The following ULK4 variants were observed in gnomAD, a reference collection of about 807,000 sequenced individuals.
ULK4 encodes inactive serine/threonine-protein kinase ULK4.
A neutral mutation model predicts 160.6 loss-of-function variants in ULK4; 133 were observed. The observed-to-expected ratio is 0.83, with a 90% CI of 0.72 to 0.96. The LOEUF (loss-of-function observed/expected upper bound fraction) is 0.96. ULK4 is among the 40% of genes least tolerant of loss of function. The pLI, the probability that ULK4 is intolerant of heterozygous loss-of-function variation, is 0.00. For synonymous variants in ULK4, 534 were observed against 539.8 expected (o/e 0.99, Z 0.15); for missense variants, 1,580 against 1,499.5 (o/e 1.05, Z -0.89).
intron 35 of ULK4, among the ~76,000 whole-genome samples, chr3:41,278,966 T>C (rs367870683): frequency 2.6e-4 from 39 of 152,058 alleles, no homozygotes; most frequent in Non-Finnish European, 5.0e-4. Context: ...TTGACAGAAG[T>C]TGGCTTCAGA....
chr3:41,797,007 C>T (rs567952963), intron 20 of ULK4, among the ~76,000 whole-genome samples: 1 of 152,250 alleles, frequency 6.6e-6, no homozygotes, highest in South Asian at 2.1e-4. Context: ...AGCACCCAAA[C>T]AATAAGCAGT....
At chr3:41,908,427 T>C (rs1698656410) in intron 11 of ULK4, among the ~76,000 whole-genome samples, 1 of 152,068 alleles carries the variant, frequency 6.6e-6, no homozygotes, top group Admixed American at 6.6e-5. Flanking sequence ...TTTTCCTGGA[T>C]CCATGGTTTT....
At chr3:41,493,337 A>C (rs1273357660) in intron 32 of ULK4, among the ~76,000 whole-genome samples, 1 of 145,380 alleles carries the variant, frequency 6.9e-6, no homozygotes, top group African/African-American at 2.6e-5. Flanking sequence ...TACTGGGTAC[A>C]TAACGAAATG....
At chr3:41,484,248 AC>A (rs1481128426) in intron 32 of ULK4, among the ~76,000 whole-genome samples, 1 of 152,284 alleles carries the variant, frequency 6.6e-6, no homozygotes, top group East Asian at 1.9e-4. Flanking sequence ...TCTATCAAAT[AC>A]ATTTATCAAA....
At chr3:41,762,427 T>C (rs2039014027) in intron 21 of ULK4, among the ~76,000 whole-genome samples, 1 of 152,032 alleles carries the variant, frequency 6.6e-6, no homozygotes, top group Non-Finnish European at 1.5e-5. Flanking sequence ...GTAAAGAAAA[T>C]AAAAAGCTAA....
chr3:41,909,638 CAGGGAG>C (rs1698705996), intron 11 of ULK4, among the ~76,000 whole-genome samples: 1 of 151,040 alleles, frequency 6.6e-6, no homozygotes, highest in Non-Finnish European at 1.5e-5. Flanking sequence ...TCGCTTGAAC[CAGGGAG>C]GTGGAGGCTG....
intron 36 of ULK4, 95 bp from the exon 37 acceptor site, chr3:41,247,087 A>AC: frequency 7.6e-6 from 9 of 1,178,990 alleles, no homozygotes; most frequent in Non-Finnish European, 9.9e-6. Context: ...GCACCCGAGT[A>AC]TCTGGTGGAC....
At chr3:41,785,195 C>T (rs1487751263) in intron 21 of ULK4, among the ~76,000 whole-genome samples, 1 of 152,006 alleles carries the variant, frequency 6.6e-6, no homozygotes, top group East Asian at 1.9e-4. Context: ...CCAAACAGTT[C>T]AATAGTGGAG....
chr3:41,937,971 T>C (rs1699832342), intron 3 of ULK4, 127 bp downstream of exon 3: 1 of 575,712 alleles, frequency 1.7e-6, no homozygotes, highest in African/African-American at 1.9e-5. Context: ...TCTTCACCCT[T>C]CCCTAATATC....
intron 32 of ULK4, among the ~76,000 whole-genome samples, chr3:41,529,784 C>T (rs7643254): frequency 0.27 from 41,573 of 152,172 alleles, 6,107 homozygotes; most frequent in African/African-American, 0.37. Context: ...TGAGCCACCA[C>T]GCCCAGCCAG....
intron 34 of ULK4, among the ~76,000 whole-genome samples, chr3:41,439,523 T>A (rs1427802706): frequency 6.6e-6 from 1 of 152,188 alleles, no homozygotes; most frequent in Non-Finnish European, 1.5e-5. Flanking sequence ...TCTTGAGTGA[T>A]AACTGACATG....
chr3:41,428,682 T>C (rs1262075296), intron 34 of ULK4, among the ~76,000 whole-genome samples: 1 of 152,192 alleles, frequency 6.6e-6, no homozygotes, highest in African/African-American at 2.4e-5. Flanking sequence ...GAATTCTCTA[T>C]GTAATAAGTG....
chr3:41,274,055 C>G (rs1475067914), intron 35 of ULK4, among the ~76,000 whole-genome samples: 1 of 151,966 alleles, frequency 6.6e-6, no homozygotes, highest in Non-Finnish European at 1.5e-5. Context: ...ACAAAACAAA[C>G]TAAAGACACC....
At chr3:41,514,136 AG>A (rs2085675468) in intron 32 of ULK4, among the ~76,000 whole-genome samples, 1 of 152,174 alleles carries the variant, frequency 6.6e-6, no homozygotes. Context: ...AAAATTGAAA[AG>A]GAAACCATTT....
At position 41,268,943 on chromosome 3, in the gene ULK4, G is replaced by A. The variant is rs951502507; in HGVS notation, c.3679-19369C>T. ...AAGGAGCAGCCTTCAGATGCAGCTCGCGAAGGCCCACCCTCAGCTGCTCCC... is the reference window on the plus strand; with the variant it reads ...AAGGAGCAGCCTTCAGATGCAGCTCACGAAGGCCCACCCTCAGCTGCTCCC... On this transcript the variant is annotated intron_variant, in intron 35 of 36. Transcript: ENST00000301831. Among the ~76,000 whole-genome samples, 5 of 151,980 alleles carry A rather than the reference G, an allele frequency of 3.3e-5. No homozygotes were observed. The South Asian group carries it at 8.3e-4, about 25-fold the overall frequency.
At chr3:41,676,254 T>A (rs978980400) in intron 29 of ULK4, among the ~76,000 whole-genome samples, 20 of 152,218 alleles carry the variant, frequency 1.3e-4, no homozygotes, top group Non-Finnish European at 2.2e-4. Context: ...TAAAGTTATA[T>A]AAAAGTTTTG....
chr3:41,286,511 C>T (rs1320621776), intron 35 of ULK4, among the ~76,000 whole-genome samples: 4 of 152,076 alleles, frequency 2.6e-5, no homozygotes, highest in South Asian at 2.1e-4. Context: ...AACCAGCAGA[C>T]GGTGCCAGAG....
chr3:41,492,764 C>T (rs1220254214), intron 32 of ULK4, among the ~76,000 whole-genome samples: 1 of 150,376 alleles, frequency 6.6e-6, no homozygotes, highest in Non-Finnish European at 1.5e-5. Flanking sequence ...CAAAAAAAGG[C>T]AGGGGTTGCA....
At chr3:41,414,078 G>A (rs1001922871) in intron 34 of ULK4, among the ~76,000 whole-genome samples, 7 of 152,298 alleles carry the variant, frequency 4.6e-5, no homozygotes, top group African/African-American at 1.7e-4. Context: ...GCACATGCCT[G>A]TAATCCCAGC....
Sources: allele counts gnomAD v4.1 joint callset (sites outside exome capture counted in the v4.1 genomes callset), GRCh38; gene constraint gnomAD v4.1.1; transcripts MANE v1.5; gene names NCBI Gene and HGNC (gene_info 2026-07-23, HGNC 2026-07-21).